Variants in LRRN1 observed in about 807,000 individuals in gnomAD.
LRRN1 encodes the protein leucine-rich repeat neuronal protein 1.
LRRN1 carries 14 observed loss-of-function variants against 45.8 expected under a neutral mutation model. The observed-to-expected ratio is 0.31, with a 90% CI of 0.20 to 0.48. LRRN1 has a LOEUF of 0.48. Ranked by LOEUF, LRRN1 falls within the 20% of genes least tolerant of loss-of-function variation. LRRN1 has a pLI of 0.99. For missense variants in LRRN1, 789 were observed against 874.2 expected (o/e 0.90, Z 1.23); for synonymous variants, 359 against 330.1 (o/e 1.09, Z -0.95).
At chr3:3,818,248 C>T (rs1396408994) in intron 1 of LRRN1, among the ~76,000 whole-genome samples, 2 of 152,168 alleles carry the variant, frequency 1.3e-5, no homozygotes, top group African/African-American at 4.8e-5. Context: ...TTTAATCATG[C>T]AGCTAATTAC....
intron 1 of LRRN1, among the ~76,000 whole-genome samples, chr3:3,817,387 G>T (rs1313947664): frequency 6.6e-6 from 1 of 152,264 alleles, no homozygotes; most frequent in Middle Eastern, 3.4e-3. Flanking sequence ...AAAAAAGATG[G>T]CATTCAATGT....
At chr3:3,843,573 C>CA (rs907508606) in intron 1 of LRRN1, among the ~76,000 whole-genome samples, 5 of 151,562 alleles carry the variant, frequency 3.3e-5, no homozygotes, top group Admixed American at 6.6e-5. Flanking sequence ...CACTGTACCC[C>CA]CCCCCATACC....
intron 1 of LRRN1, among the ~76,000 whole-genome samples, chr3:3,818,481 C>G (rs1693030812): frequency 6.6e-6 from 1 of 152,100 alleles, no homozygotes; most frequent in Non-Finnish European, 1.5e-5. Context: ...ATGATTCCAG[C>G]TATGCAAATA....
rs771465084 is a variant in LRRN1 at position 3,844,869 on chromosome 3, G to A, written c.228G>A (p.Val76=). 6.2e-7 allele frequency: 1 copy of A among 1,614,164 alleles called. No individual in the cohort carries two copies. The highest frequency in any genetic ancestry group is 1.1e-5 in the South Asian group (1 of 91,084). The change falls in exon 2 of 2, where the codon GTG becomes GTA. Residue 76 remains valine (V), a synonymous_variant. Coordinates refer to ENST00000319331, the MANE Select transcript of LRRN1 (RefSeq NM_020873.7). ...IPSNLSSDTQ[V]LLLQSNNIAK... ...GTAACCTCTCTAGTGACACACAAGT[G>A]CTTCTCTTACAGAGCAATAACATCG...
Position 3,845,779 on chromosome 3 carries a change from C to T in LRRN1, c.1138C>T (p.His380Tyr). The change falls in exon 2 of 2, where the codon CAC (histidine) becomes TAC (tyrosine). Residue 380 changes from histidine to tyrosine, a missense_variant. Transcript: ENST00000319331. The surrounding 1 kb of genome is among the most constrained non-coding windows in gnomAD (Gnocchi z 6.5). ...TCCCCTCAGGTGTGACTGTGTGATC[C>T]ACTGGATTAACTCCAACAAAACCAA... is the stretch of plus-strand genomic sequence containing the variant. ...SNPLRCDCVIHWINSNKTNIR... is the reference protein window; with the variant it reads ...SNPLRCDCVIYWINSNKTNIR... 7 of 1,614,110 alleles carry T rather than the reference C, an allele frequency of 4.3e-6. No individual in the cohort carries two copies. Among genetic ancestry groups the T allele is most frequent in the Non-Finnish European group, 5.1e-6 (6 of 1,180,026 alleles).
At chr3:3,828,897 G>A (rs980636820) in intron 1 of LRRN1, among the ~76,000 whole-genome samples, 5 of 152,070 alleles carry the variant, frequency 3.3e-5, no homozygotes, top group South Asian at 4.1e-4. Flanking sequence ...TCATGTGATC[G>A]TAGCTGGTAT....
chr3:3,824,926 T>C (rs1456018005), intron 1 of LRRN1, among the ~76,000 whole-genome samples: 1 of 152,184 alleles, frequency 6.6e-6, no homozygotes, highest in Non-Finnish European at 1.5e-5. Flanking sequence ...TCCTGTGATC[T>C]GTAAGGCCGT....
chr3:3,806,892 C>T (rs1692773125), intron 1 of LRRN1, among the ~76,000 whole-genome samples: 1 of 152,056 alleles, frequency 6.6e-6, no homozygotes, highest in African/African-American at 2.4e-5. Context: ...GCTCCTCTTC[C>T]CAGCACAAGT....
chr3:3,801,558 G>A (rs534608037), intron 1 of LRRN1, among the ~76,000 whole-genome samples: 24 of 152,186 alleles, frequency 1.6e-4, no homozygotes, highest in African/African-American at 5.3e-4. Flanking sequence ...AAATGTGAGC[G>A]GATCCTGGCA....
intron 1 of LRRN1, among the ~76,000 whole-genome samples, chr3:3,839,602 AG>A (rs1427380356): frequency 6.6e-6 from 1 of 152,116 alleles, no homozygotes; most frequent in Non-Finnish European, 1.5e-5. Context: ...TAAATTTTCC[AG>A]TCTATAAACA....
chr3:3,809,711 A>G (rs1692837915), intron 1 of LRRN1, among the ~76,000 whole-genome samples: 1 of 152,210 alleles, frequency 6.6e-6, no homozygotes, highest in African/African-American at 2.4e-5. Context: ...GAGTGATTTC[A>G]TGGAACCTCA....
chr3:3,800,074 G>A lies in LRRN1; in HGVS notation c.-279+155G>A, dbSNP rs1184627333. Among the ~76,000 whole-genome samples, 3 of 150,678 alleles carry A rather than the reference G, an allele frequency of 2.0e-5. No homozygotes were observed. The East Asian group carries it at 5.9e-4, about 30-fold the overall frequency. ...GGGACGAGGGGGCGCGGCTCACGGA[G>A]CTGGGGAAAATGACGAAGTCGGGAA... On this transcript the variant is annotated intron_variant, in intron 1 of 1. Transcript: ENST00000319331.
At chr3:3,820,839 G>T (rs1006897356) in intron 1 of LRRN1, among the ~76,000 whole-genome samples, 1 of 152,208 alleles carries the variant, frequency 6.6e-6, no homozygotes, top group Non-Finnish European at 1.5e-5. Context: ...TCAAGAGTTT[G>T]AGTCACCTCT....
intron 1 of LRRN1, among the ~76,000 whole-genome samples, chr3:3,832,222 T>A (rs145302074): frequency 6.6e-6 from 1 of 152,206 alleles, no homozygotes. Flanking sequence ...CTGCAATTGC[T>A]CCAGGATGCA....
At chr3:3,812,181 T>C (rs760737659) in intron 1 of LRRN1, among the ~76,000 whole-genome samples, 2 of 152,210 alleles carry the variant, frequency 1.3e-5, no homozygotes, top group African/African-American at 2.4e-5. Flanking sequence ...TGTGTTCCTT[T>C]CCCATGTGGA....
At chr3:3,824,728 T>A (rs1693179470) in intron 1 of LRRN1, among the ~76,000 whole-genome samples, 5 of 152,190 alleles carry the variant, frequency 3.3e-5, no homozygotes, top group Admixed American at 2.0e-4. Context: ...ACTAATGTCA[T>A]TCAAAGAACT....
At chr3:3,821,019 C>T (rs949728167) in intron 1 of LRRN1, among the ~76,000 whole-genome samples, 3 of 152,182 alleles carry the variant, frequency 2.0e-5, no homozygotes, top group Admixed American at 1.3e-4. Flanking sequence ...TCTTTTTAAA[C>T]GTGGTCTGCA....
intron 1 of LRRN1, among the ~76,000 whole-genome samples, chr3:3,824,070 G>C (rs768833872): frequency 7.2e-5 from 11 of 152,170 alleles, no homozygotes; most frequent in Non-Finnish European, 1.5e-4. Flanking sequence ...AACTACCTGA[G>C]AGTCAGATAG....
chr3:3,833,723 G>T (rs947814854), intron 1 of LRRN1, among the ~76,000 whole-genome samples: 2 of 152,182 alleles, frequency 1.3e-5, no homozygotes, highest in Admixed American at 1.3e-4. Context: ...GCCTCAGGCA[G>T]CGCAGGGTTT....
Sources: allele counts gnomAD v4.1 joint callset (sites outside exome capture counted in the v4.1 genomes callset), GRCh38; gene constraint gnomAD v4.1.1; non-coding constraint Gnocchi (gnomAD v3.1); transcripts MANE v1.5; gene names NCBI Gene and HGNC (gene_info 2026-07-23, HGNC 2026-07-21).